Variants in LMO7 observed in about 807,000 individuals in gnomAD.
LMO7 encodes LIM domain 7.
A neutral mutation model predicts 206.5 loss-of-function variants in LMO7; 120 were observed. The observed-to-expected ratio is 0.58, with a 90% CI of 0.50 to 0.68. The LOEUF (loss-of-function observed/expected upper bound fraction) is 0.68, where lower values mean the gene tolerates loss of function less well. LMO7 is among the 30% of genes least tolerant of loss of function. The pLI, the probability that LMO7 is intolerant of heterozygous loss-of-function variation, is 0.00. For missense variants in LMO7, 1,959 were observed against 1,957.9 expected (o/e 1.00, Z -0.01); for synonymous variants, 706 against 681.5 (o/e 1.04, Z -0.56).
chr13:75,671,836 G>T (rs907890625), intron 1 of LMO7, among the ~76,000 whole-genome samples: 1 of 152,004 alleles, frequency 6.6e-6, no homozygotes, highest in South Asian at 2.1e-4. Context: ...TAGCCAGCCT[G>T]TTGCCTGTCT....
chr13:75,750,058 T>G lies in LMO7; in HGVS notation c.211-10874T>G, dbSNP rs557630693. ...GCGATGATTATCCAAAATAATAGAT[T>G]AAAAAAAAAACCAGTGCTGGCACAT... On this transcript the variant is annotated intron_variant, in intron 3 of 30. Coordinates refer to ENST00000377534, the MANE Select transcript of LMO7 (RefSeq NM_001306080.2). 3.9e-3 allele frequency among the ~76,000 whole-genome samples: 579 copies of G among 148,756 alleles called. 4 individuals are homozygous for G. The highest frequency in any genetic ancestry group is 5.2e-3 in the Non-Finnish European group (348 of 66,922).
chr13:75,833,037 T>C lies in LMO7; in HGVS notation c.2950-14T>C. On this transcript the variant is annotated splice_polypyrimidine_tract_variant and intron_variant, in intron 15 of 30. Coordinates refer to ENST00000377534, the MANE Select transcript of LMO7 (RefSeq NM_001306080.2). ...AGGGACACCGGATACCAGCGTTTCA[T>C]GTTTTGTTTTCAGGATCAGTTCAGT... 6.8e-7 allele frequency: 1 copy of C among 1,475,530 alleles called. No individual in the cohort carries two copies. Among genetic ancestry groups the C allele is most frequent in the South Asian group, 1.1e-5 (1 of 88,088 alleles). The allele number at this position is 1,475,530 out of a possible 1,614,324, so 91.4% of individuals were successfully genotyped here. A position where few individuals can be genotyped will look rare whatever the true frequency, so the allele number is the denominator to read the frequency against.
intron 1 of LMO7, among the ~76,000 whole-genome samples, chr13:75,654,552 T>C (rs1261779651): frequency 6.6e-6 from 1 of 152,074 alleles, no homozygotes; most frequent in Non-Finnish European, 1.5e-5. Context: ...AGATAATAGA[T>C]GGGGCTGTGG....
At chr13:75,662,547 G>A (rs2038701243) in intron 1 of LMO7, among the ~76,000 whole-genome samples, 1 of 152,176 alleles carries the variant, frequency 6.6e-6, no homozygotes. Flanking sequence ...TTGAATGCCT[G>A]AGCTCAAGCA....
At chr13:75,754,742 T>C (rs1348151348) in intron 3 of LMO7, among the ~76,000 whole-genome samples, 2 of 152,196 alleles carry the variant, frequency 1.3e-5, no homozygotes, top group Admixed American at 6.5e-5. Context: ...TATAATGATA[T>C]GAAAATATGT....
chr13:75,798,345 C>T (rs940129192), intron 6 of LMO7, among the ~76,000 whole-genome samples: 1 of 152,146 alleles, frequency 6.6e-6, no homozygotes. Context: ...AGCAAAACTC[C>T]GTCTCAAAAA....
intron 1 of LMO7, among the ~76,000 whole-genome samples, chr13:75,683,699 A>T (rs767215352): frequency 6.6e-6 from 1 of 152,220 alleles, no homozygotes; most frequent in African/African-American, 2.4e-5. Flanking sequence ...CATGTGCCCA[A>T]GGTGGTCAGG....
At chr13:75,846,652 T>C (rs59762752) in intron 26 of LMO7, among the ~76,000 whole-genome samples, 1,949 of 152,350 alleles carry the variant, frequency 0.013, 47 homozygotes, top group East Asian at 0.11. Context: ...TTGTTAATAT[T>C]TGTGGCTTGT....
At position 75,821,424 on chromosome 13, in the gene LMO7, G is replaced by A; in HGVS notation, c.2455G>A (p.Glu819Lys). The A allele has an allele frequency of 6.2e-7, 1 of 1,614,156 alleles. No individual in the cohort carries two copies. The highest frequency in any genetic ancestry group is 8.5e-7 in the Non-Finnish European group (1 of 1,180,012). ...GCTTCCTTCTCAAAGTCCTGTGGAA[G>A]AACAAAGCCCAGCCTCTTTGTCTTC... Reference protein sequence around the residue: ...IQLPSQSPVEEQSPASLSSLR... With the variant: ...IQLPSQSPVEKQSPASLSSLR... Residue 819 changes from glutamate (E) to lysine (K), a missense_variant, in exon 14 of 31, where the codon GAA becomes AAA. Glu to Lys is a moderately conservative substitution (Grantham distance 56). Coordinates refer to ENST00000377534, the MANE Select transcript of LMO7 (RefSeq NM_001306080.2).
Position 75,808,077 on chromosome 13 carries a change from G to A in LMO7, c.1794G>A (p.Leu598=), listed in dbSNP as rs2055781359. ...CACGTAAGATTCAGTCCTGGAAACTGGGAACTACCGTGCCTCCCATCAGTT... is the reference window on the plus strand; with the variant it reads ...CACGTAAGATTCAGTCCTGGAAACTAGGAACTACCGTGCCTCCCATCAGTT... ...MLTRKIQSWK[L]GTTVPPISFT... Residue 598 remains leucine, a synonymous_variant, in exon 10 of 31, where the codon CTG becomes CTA. Coordinates refer to ENST00000377534, the MANE Select transcript of LMO7 (RefSeq NM_001306080.2). 1.9e-6 allele frequency: 3 copies of A among 1,613,828 alleles called. No homozygotes were observed. The highest frequency in any genetic ancestry group is 2.5e-6 in the Non-Finnish European group (3 of 1,179,880).
rs1226014828 is a variant in LMO7, at chr13:75,858,201, G to GA, written c.*264dup. On this transcript the variant is annotated 3_prime_UTR_variant, in exon 31 of 31. Coordinates refer to ENST00000377534, the MANE Select transcript of LMO7 (RefSeq NM_001306080.2). ...AATTCAGCATCTTGAGAGCACAAGG[G>GA]AAAAAATAAGAACCTACGAATATTT... The GA allele has an allele frequency of 5.4e-6, 2 of 368,504 alleles. No homozygotes were observed. Among genetic ancestry groups the GA allele is most frequent in the African/African-American group, 2.1e-5 (1 of 47,720 alleles). The allele number at this position is 368,504 out of a possible 1,614,324, so 22.8% of individuals were successfully genotyped here.
chr13:75,840,885 GT>G (rs1162964767), intron 22 of LMO7, among the ~76,000 whole-genome samples: 1 of 152,056 alleles, frequency 6.6e-6, no homozygotes, highest in African/African-American at 2.4e-5. Context: ...GTGGATGGGG[GT>G]TTAATTCTCA....
At position 75,621,862 on chromosome 13, in the gene LMO7, A is replaced by G. The variant is rs1471520142; in HGVS notation, c.169A>G (p.Lys57Glu). The change falls in exon 1 of 30, where the codon AAA becomes GAA. Residue 57 changes from lysine (K) to glutamate (E), a missense_variant. Physicochemically the swap from Lys to Glu is moderately conservative, Grantham distance 56. Coordinates refer to the LMO7 transcript ENST00000341547. ...GTATCTCAGGGACAGAGTCTGCAGC[A>G]AAAAAGGTAATAATAGTTCCTTGAA... 2 of 1,589,796 alleles carry G rather than the reference A, an allele frequency of 1.3e-6. No homozygotes were observed. The highest frequency in any genetic ancestry group is 4.5e-5 in the East Asian group (2 of 44,434).
rs118096674 is a variant in LMO7, at chr13:75,725,554, G to T, written c.141-1475G>T. ...CCTTGTTAATAGGGAACAACTAGAA[G>T]AATTAATTTGCAATTGTTATTTCTT... On this transcript the variant is annotated intron_variant, in intron 2 of 30. Transcript: ENST00000377534. Among the ~76,000 whole-genome samples the T allele has an allele frequency of 4.5e-4, 68 of 152,124 alleles. 1 individual carries two copies. The East Asian group carries it at 0.011, about 24-fold the overall frequency.
At chr13:75,711,351 T>G (rs998359088) in intron 1 of LMO7, among the ~76,000 whole-genome samples, 1 of 152,226 alleles carries the variant, frequency 6.6e-6, no homozygotes, top group Admixed American at 6.5e-5. Flanking sequence ...TTTCTATTGA[T>G]TAGAATAGTT....
At chr13:75,646,322 G>A (rs577213334) in intron 1 of LMO7, among the ~76,000 whole-genome samples, 21 of 152,258 alleles carry the variant, frequency 1.4e-4, no homozygotes, top group African/African-American at 4.6e-4. Flanking sequence ...CAGTAGCCTG[G>A]ACTCCTTGCT....
In LMO7 at chr13:75,796,654, T is replaced by C. The variant is rs1459641985; in HGVS notation, c.367T>C (p.Trp123Arg). Residue 123 changes from tryptophan to arginine, a missense_variant, in exon 6 of 31, where the codon TGG (tryptophan) becomes CGG (arginine). Physicochemically the swap from Trp to Arg is moderately radical, Grantham distance 101. Transcript: ENST00000377534. ...TTTTAAGGTTTTGATAACATTGTAC[T>C]GGCTGGGAAGAAAAGCACAAAGCAA... ...RVKNVLITLYWLGRKAQSNPY... is the reference protein window; with the variant it reads ...RVKNVLITLYRLGRKAQSNPY... The C allele has an allele frequency of 1.2e-6, 2 of 1,610,630 alleles. No individual in the cohort carries two copies. The highest frequency in any genetic ancestry group is 1.7e-5 in the Admixed American group (1 of 59,970).
chr13:75,757,096 G>A (rs1354669253), intron 3 of LMO7, among the ~76,000 whole-genome samples: 5 of 152,166 alleles, frequency 3.3e-5, no homozygotes, highest in African/African-American at 4.8e-5. Context: ...ATAAGACATT[G>A]CAACTTCCAT....
At chr13:75,720,880 TCTTTGAAAATATTAAAGTTATC>T (rs1566349331) in intron 2 of LMO7, among the ~76,000 whole-genome samples, 2 of 152,208 alleles carry the variant, frequency 1.3e-5, no homozygotes, top group Non-Finnish European at 1.5e-5. Flanking sequence ...TTACTAGCAA[TCTTTGAAAATATTAAAGTTATC>T]ATAAATATTT....
Sources: gnomAD v4.1 joint callset for allele counts (sites outside exome capture counted in the v4.1 genomes callset) on GRCh38, gnomAD v4.1.1 for gene constraint, MANE v1.5 for transcripts, NCBI Gene and HGNC (gene_info 2026-07-23, HGNC 2026-07-21) for gene names.